Variants in ADK observed in about 807,000 individuals in gnomAD.
The protein encoded by ADK is adenosine kinase.
A neutral mutation model predicts 44.7 loss-of-function variants in ADK; 24 were observed. That is an observed-to-expected ratio of 0.54 (90% CI 0.39 to 0.76). The LOEUF (loss-of-function observed/expected upper bound fraction) is 0.76. ADK is among the 30% of genes least tolerant of loss of function. The probability of loss-of-function intolerance (pLI) is 0.00; values close to 1 mark genes in which losing one functional copy is unlikely to be tolerated. For missense variants in ADK, 321 were observed against 425.1 expected (o/e 0.76, Z 2.15); for synonymous variants, 128 against 142.6 (o/e 0.90, Z 0.73).
At chr10:74,622,920 T>C (rs1330464009) in intron 9 of ADK, among the ~76,000 whole-genome samples, 1 of 151,968 alleles carries the variant, frequency 6.6e-6, no homozygotes, top group East Asian at 1.9e-4. Flanking sequence ...GGCAGGAGAA[T>C]CGTTAGAACC....
chr10:74,314,773 G>T, intron 4 of ADK, 28 bp downstream of exon 4: 4 of 1,501,494 alleles, frequency 2.7e-6, no homozygotes, highest in South Asian at 2.3e-5. Context: ...AAAGTTAAAA[G>T]GATTCAAAAT....
At chr10:74,162,172 C>T (rs1841918943) in intron 1 of ADK, among the ~76,000 whole-genome samples, 1 of 151,988 alleles carries the variant, frequency 6.6e-6, no homozygotes. Flanking sequence ...AGGTGCCCGC[C>T]ACCACACCTG....
intron 2 of ADK, among the ~76,000 whole-genome samples, chr10:74,202,889 C>T (rs1198342420): frequency 6.6e-6 from 1 of 152,168 alleles, no homozygotes; most frequent in Non-Finnish European, 1.5e-5. Context: ...CAAACATTTT[C>T]TCCCATTCTG....
intron 6 of ADK, among the ~76,000 whole-genome samples, chr10:74,465,516 C>T (rs909237419): frequency 1.3e-5 from 2 of 152,066 alleles, no homozygotes; most frequent in African/African-American, 4.8e-5. Flanking sequence ...GGGTTATTCT[C>T]ACTGTTATAT....
At chr10:74,267,756 G>T (rs61863650) in intron 3 of ADK, among the ~76,000 whole-genome samples, 2,248 of 64,772 alleles carry the variant, frequency 0.035, 37 homozygotes, top group Non-Finnish European at 0.063. Flanking sequence ...ATCCTTATTT[G>T]TGTGTGTGTG....
intron 10 of ADK, among the ~76,000 whole-genome samples, chr10:74,682,570 C>CTT (rs1855646714): frequency 3.3e-5 from 3 of 90,714 alleles, no homozygotes; most frequent in African/African-American, 1.1e-4. Context: ...CTTTTCTTTT[C>CTT]TTTTCTTTTT....
intron 10 of ADK, among the ~76,000 whole-genome samples, chr10:74,681,130 C>T (rs1463352884): frequency 1.3e-5 from 2 of 151,970 alleles, no homozygotes; most frequent in Admixed American, 6.6e-5. Context: ...ATTACTTTGC[C>T]CCATTGAATC....
intron 1 of ADK, among the ~76,000 whole-genome samples, chr10:74,181,461 T>C (rs1000129552): frequency 6.6e-6 from 1 of 152,228 alleles, no homozygotes; most frequent in Non-Finnish European, 1.5e-5. Flanking sequence ...AGATTCCTAC[T>C]GGTCTTCATT....
chr10:74,660,541 C>A (rs1854671440), intron 9 of ADK, among the ~76,000 whole-genome samples: 2 of 149,864 alleles, frequency 1.3e-5, no homozygotes, highest in Admixed American at 1.3e-4. Context: ...AGTTTGAGAC[C>A]AGCCTGGGCA....
intron 10 of ADK, among the ~76,000 whole-genome samples, chr10:74,671,938 T>C (rs1589357158): frequency 6.6e-6 from 1 of 152,172 alleles, no homozygotes; most frequent in African/African-American, 2.4e-5. Flanking sequence ...CCTAACTATC[T>C]GTAATGCTAC....
chr10:74,251,552 T>C (rs1845652044), intron 3 of ADK, among the ~76,000 whole-genome samples: 1 of 152,232 alleles, frequency 6.6e-6, no homozygotes, highest in African/African-American at 2.4e-5. Context: ...TCATCATCCA[T>C]TTAATTCTCC....
chr10:74,573,389 C>A (rs1300956839), intron 7 of ADK, among the ~76,000 whole-genome samples: 1 of 152,154 alleles, frequency 6.6e-6, no homozygotes, highest in African/African-American at 2.4e-5. Flanking sequence ...AGTGCCCGGC[C>A]GTGTGAGGTG....
chr10:74,557,482 A>C (rs925280158), intron 7 of ADK, among the ~76,000 whole-genome samples: 3 of 152,236 alleles, frequency 2.0e-5, no homozygotes, highest in Admixed American at 6.5e-5. Flanking sequence ...AAATCTGGAC[A>C]TCATAGAAAC....
chr10:74,525,487 T>A lies in ADK; in HGVS notation c.726+61T>A, dbSNP rs533938941. 4 of 1,352,980 alleles carry A rather than the reference T, an allele frequency of 3.0e-6. No individual in the cohort carries two copies. In the South Asian group the frequency reaches 3.7e-5, roughly 13 times the overall value. 83.8% of individuals were successfully genotyped at this position (1,352,980 alleles called of 1,614,324 possible). ...GTTTTTTGTTTGTTTATTTCTGATG[T>A]GTGTATATATGTTTAGAAATATATA... On this transcript the variant is annotated intron_variant, in intron 7 of 10. Coordinates refer to ENST00000539909, the MANE Select transcript of ADK (RefSeq NM_006721.4).
rs563047089 is a variant in ADK, at chr10:74,151,238, A to C, written c.-41A>C. On this transcript the variant is annotated 5_prime_UTR_variant, in exon 1 of 11. Transcript: ENST00000539909. The stretch of plus-strand genomic sequence containing the variant: ...GGGGCGGGACCAGAGAGTGGATGGC[A>C]GAGGTGGGCTGTAGAGCCAAAGTGG... 3.9e-6 allele frequency: 6 copies of C among 1,547,880 alleles called. No individual in the cohort carries two copies. Among genetic ancestry groups the C allele is most frequent in the Non-Finnish European group, 3.5e-6 (4 of 1,145,308 alleles).
intron 7 of ADK, among the ~76,000 whole-genome samples, chr10:74,526,872 A>C (rs1289960463): frequency 1.3e-5 from 2 of 152,230 alleles, no homozygotes; most frequent in African/African-American, 4.8e-5. Flanking sequence ...GGGTAAAAGA[A>C]GTAAATGGGA....
At chr10:74,272,422 C>T (rs1428822463) in intron 3 of ADK, among the ~76,000 whole-genome samples, 5 of 151,906 alleles carry the variant, frequency 3.3e-5, no homozygotes, top group South Asian at 2.1e-4. Context: ...ACTACAGGCG[C>T]GCACTACCAT....
intron 7 of ADK, among the ~76,000 whole-genome samples, chr10:74,563,468 G>A (rs1850534960): frequency 6.6e-6 from 1 of 152,122 alleles, no homozygotes; most frequent in Non-Finnish European, 1.5e-5. Flanking sequence ...AGCATATAGT[G>A]GATGTGTGAT....
At chr10:74,264,795 G>A (rs1260666307) in intron 3 of ADK, among the ~76,000 whole-genome samples, 1 of 152,114 alleles carries the variant, frequency 6.6e-6, no homozygotes, top group Non-Finnish European at 1.5e-5. Flanking sequence ...TAGAGTTGGA[G>A]ACTTGAGTTT....
Sources: gnomAD v4.1 joint callset for allele counts (sites outside exome capture counted in the v4.1 genomes callset) on GRCh38, gnomAD v4.1.1 for gene constraint, MANE v1.5 for transcripts, NCBI Gene and HGNC (gene_info 2026-07-23, HGNC 2026-07-21) for gene names.